Variants in CNTNAP2 observed in about 807,000 individuals in gnomAD.
The protein encoded by CNTNAP2 is contactin associated protein 2.
CNTNAP2 carries 98 observed loss-of-function variants against 155.2 expected under a neutral mutation model. The ratio of observed to expected loss-of-function variants is 0.63; its 90% CI spans 0.54 to 0.75. CNTNAP2 has a LOEUF of 0.75. Ranked by LOEUF, CNTNAP2 falls within the 30% of genes least tolerant of loss-of-function variation. The pLI, the probability that CNTNAP2 is intolerant of heterozygous loss-of-function variation, is 0.00. For missense variants in CNTNAP2, 1,727 were observed against 1,688.1 expected, an observed-to-expected ratio of 1.02 and a Z score of -0.40; for synonymous variants, 651 against 631.2, an observed-to-expected ratio of 1.03 and a Z score of -0.47.
intron 1 of CNTNAP2, among the ~76,000 whole-genome samples, chr7:146,192,394 C>G (rs908119601): frequency 6.6e-6 from 1 of 152,020 alleles, no homozygotes; most frequent in African/African-American, 2.4e-5. Context: ...AAGATGTACC[C>G]AAGATTGGGT....
chr7:147,041,253 T>G (rs1290735232), intron 3 of CNTNAP2, among the ~76,000 whole-genome samples: 1 of 152,226 alleles, frequency 6.6e-6, no homozygotes, highest in East Asian at 1.9e-4. Context: ...TCCTATTCCT[T>G]GTGTATTCCT....
chr7:146,993,747 CT>C (rs1798253181), intron 3 of CNTNAP2, among the ~76,000 whole-genome samples: 2 of 151,988 alleles, frequency 1.3e-5, no homozygotes, highest in South Asian at 4.1e-4. Flanking sequence ...ATATGTACAG[CT>C]TTTTTAATAC....
chr7:147,233,864 T>C (rs1803739194), intron 8 of CNTNAP2, among the ~76,000 whole-genome samples: 1 of 152,068 alleles, frequency 6.6e-6, no homozygotes, highest in African/African-American at 2.4e-5. Context: ...TCAGTCTTGA[T>C]CATATTATTT....
At chr7:146,754,660 G>C (rs1355348415) in intron 1 of CNTNAP2, among the ~76,000 whole-genome samples, 1 of 151,562 alleles carries the variant, frequency 6.6e-6, no homozygotes, top group Non-Finnish European at 1.5e-5. Flanking sequence ...CTGTGCCTTA[G>C]AGTCGAATGG....
chr7:147,114,390 G>C (rs921549507), intron 5 of CNTNAP2, among the ~76,000 whole-genome samples: 20 of 152,130 alleles, frequency 1.3e-4, no homozygotes, highest in Non-Finnish European at 2.9e-5. Context: ...TCGATGATCT[G>C]TCTAATATTG....
rs700308 is a variant in CNTNAP2, at chr7:147,395,523, C to T, written c.1499-86C>T. 0.14 allele frequency: 179,406 copies of T among 1,298,102 alleles called. 14,415 individuals carry two copies. The highest frequency in any genetic ancestry group is 0.35 in the East Asian group (14,970 of 42,964). 80.4% of individuals were successfully genotyped at this position (1,298,102 alleles called of 1,614,324 possible). ...AAGAAACAGTAGTTGGATGTGATGG[C>T]TGTGGCCAGGTAGAATACCCACAAG... On this transcript the variant is annotated intron_variant, in intron 9 of 23. Coordinates refer to ENST00000361727, the MANE Select transcript of CNTNAP2 (RefSeq NM_014141.6).
chr7:147,974,226 T>G lies in CNTNAP2; in HGVS notation c.2256-3636T>G, dbSNP rs557755776. On this transcript the variant is annotated intron_variant, in intron 14 of 23. Coordinates refer to ENST00000361727, the MANE Select transcript of CNTNAP2 (RefSeq NM_014141.6). ...TTTGGGCAATACAATTACATAATAA[T>G]TGGAATATTTCCAAACACTTGTTTT... Among the ~76,000 whole-genome samples the G allele has an allele frequency of 2.3e-3, 343 of 152,346 alleles. 3 individuals are homozygous for G. Among genetic ancestry groups the G allele is most frequent in the African/African-American group, 8.0e-3 (333 of 41,580 alleles).
At chr7:146,636,712 G>C (rs529144074) in intron 1 of CNTNAP2, among the ~76,000 whole-genome samples, 1 of 152,104 alleles carries the variant, frequency 6.6e-6, no homozygotes, top group Non-Finnish European at 1.5e-5. Context: ...AGGTCAAATC[G>C]TCTTAATACA....
At chr7:146,763,308 C>A (rs1206697352) in intron 1 of CNTNAP2, among the ~76,000 whole-genome samples, 2 of 152,096 alleles carry the variant, frequency 1.3e-5, no homozygotes, top group Non-Finnish European at 2.9e-5. Context: ...CTCTCTTTTC[C>A]ATTAAGTTCT....
intron 1 of CNTNAP2, among the ~76,000 whole-genome samples, chr7:146,566,856 T>C (rs925256977): frequency 2.0e-5 from 3 of 152,190 alleles, no homozygotes; most frequent in Non-Finnish European, 2.9e-5. Flanking sequence ...AAGGATTCTT[T>C]TGGACTTTTG....
chr7:148,415,360 T>C, intron 23 of CNTNAP2, 57 bp from the exon 24 acceptor site: 2 of 1,573,374 alleles, frequency 1.3e-6, no homozygotes, highest in Non-Finnish European at 1.7e-6. Flanking sequence ...GTGGGGACAG[T>C]GTTGGAGGGA....
At chr7:148,336,745 G>T (rs1798123623) in intron 21 of CNTNAP2, among the ~76,000 whole-genome samples, 2 of 152,126 alleles carry the variant, frequency 1.3e-5, no homozygotes, top group Non-Finnish European at 2.9e-5. Flanking sequence ...TACTGGTTTT[G>T]ACCTTAAAAT....
intron 1 of CNTNAP2, among the ~76,000 whole-genome samples, chr7:146,682,897 G>A (rs892274479): frequency 7.2e-5 from 11 of 152,152 alleles, no homozygotes; most frequent in African/African-American, 2.7e-4. Context: ...CATCCTGGTA[G>A]TAATTTATAG....
chr7:146,808,963 C>T (rs1292224709), intron 2 of CNTNAP2, among the ~76,000 whole-genome samples: 2 of 152,114 alleles, frequency 1.3e-5, no homozygotes, highest in African/African-American at 4.8e-5. Context: ...TATCTATACA[C>T]CTGTTGATGG....
intron 1 of CNTNAP2, among the ~76,000 whole-genome samples, chr7:146,221,041 C>A (rs574988624): frequency 3.3e-5 from 5 of 152,190 alleles, no homozygotes; most frequent in Admixed American, 3.3e-4. Context: ...GTCGTCTTCA[C>A]TTGCATTATA....
intron 13 of CNTNAP2, among the ~76,000 whole-genome samples, chr7:147,686,793 G>A (rs1024433019): frequency 6.6e-6 from 1 of 151,770 alleles, no homozygotes; most frequent in East Asian, 1.9e-4. Context: ...AGGTATTGGA[G>A]GCAGTACATT....
intron 15 of CNTNAP2, among the ~76,000 whole-genome samples, chr7:147,991,636 A>C (rs1390964597): frequency 6.6e-6 from 1 of 152,220 alleles, no homozygotes; most frequent in Non-Finnish European, 1.5e-5. Flanking sequence ...ATTCTAAATT[A>C]AGATGCACAT....
chr7:146,974,396 C>T (rs928847810), intron 3 of CNTNAP2, among the ~76,000 whole-genome samples: 3 of 151,658 alleles, frequency 2.0e-5, no homozygotes, highest in African/African-American at 4.8e-5. Context: ...CGAGATCATG[C>T]CATTGCACTC....
At chr7:146,863,103 C>T (rs1159553814) in intron 3 of CNTNAP2, among the ~76,000 whole-genome samples, 1 of 151,998 alleles carries the variant, frequency 6.6e-6, no homozygotes, top group Non-Finnish European at 1.5e-5. Context: ...CTTAAAAACT[C>T]CTTTAGATCA....
Sources: allele counts gnomAD v4.1 joint callset (sites outside exome capture counted in the v4.1 genomes callset), GRCh38; gene constraint gnomAD v4.1.1; transcripts MANE v1.5; gene names NCBI Gene and HGNC (gene_info 2026-07-23, HGNC 2026-07-21).